The following HHIP variants were observed in gnomAD, a reference collection of about 807,000 sequenced individuals.
HHIP encodes hedgehog interacting protein.
In HHIP, 12 loss-of-function variants were observed where a neutral mutation model predicts 74.0. The ratio of observed to expected loss-of-function variants is 0.16; its 90% CI spans 0.10 to 0.26. The LOEUF (loss-of-function observed/expected upper bound fraction) is 0.26, where lower values mean the gene tolerates loss of function less well. HHIP is among the 10% of genes least tolerant of loss of function. The probability of loss-of-function intolerance (pLI) is 1.00; values close to 1 mark genes in which losing one functional copy is unlikely to be tolerated. For synonymous variants in HHIP, 309 were observed against 311.6 expected (o/e 0.99, Z 0.09); for missense variants, 788 against 845.0 (o/e 0.93, Z 0.84).
At chr4:144,728,905 A>G (rs1352770574) in intron 11 of HHIP, among the ~76,000 whole-genome samples, 5 of 152,186 alleles carry the variant, frequency 3.3e-5, no homozygotes, top group Non-Finnish European at 7.3e-5. Context: ...TGCCTACAAA[A>G]TGGCTATGTG....
chr4:144,719,758 G>A (rs1369472116), intron 11 of HHIP, among the ~76,000 whole-genome samples: 1 of 152,168 alleles, frequency 6.6e-6, no homozygotes, highest in Admixed American at 6.5e-5. Context: ...CTGTTGTTGA[G>A]CACTAGGACT....
chr4:144,660,243 T>C (rs1728675985), intron 4 of HHIP: 2 of 242,248 alleles, frequency 8.3e-6, no homozygotes, highest in Admixed American at 5.5e-5. Flanking sequence ...TGTTTTTGAG[T>C]CTGTCTCATA....
intron 4 of HHIP, among the ~76,000 whole-genome samples, chr4:144,681,686 G>A (rs1578695740): frequency 2.0e-5 from 3 of 152,098 alleles, no homozygotes; most frequent in East Asian, 1.9e-4. Flanking sequence ...GCCTCCCAAC[G>A]TGCTGGGATT....
chr4:144,687,765 T>C (rs1729530456), intron 4 of HHIP, among the ~76,000 whole-genome samples: 1 of 147,078 alleles, frequency 6.8e-6, no homozygotes, highest in African/African-American at 2.5e-5. Flanking sequence ...TTTTTTTTTT[T>C]TTTTTTTTTT....
intron 4 of HHIP, among the ~76,000 whole-genome samples, chr4:144,689,831 C>T (rs1037489809): frequency 1.8e-4 from 27 of 151,580 alleles, no homozygotes; most frequent in Middle Eastern, 6.3e-3. Flanking sequence ...TTTTTTGAGA[C>T]GGAGTCTCGC....
chr4:144,729,724 C>G (rs1326191591), intron 11 of HHIP, among the ~76,000 whole-genome samples: 1 of 152,170 alleles, frequency 6.6e-6, no homozygotes, highest in Non-Finnish European at 1.5e-5. Flanking sequence ...AGGAGTAACA[C>G]AGCTCTTATG....
At chr4:144,648,680 C>T (rs1109181) in intron 1 of HHIP, 21 of 152,178 alleles carry the variant, frequency 1.4e-4, no homozygotes, top group Admixed American at 1.2e-3. Flanking sequence ...TATGAATATA[C>T]TGATGATCTA....
chr4:144,730,721 TG>T (rs1047064323), intron 11 of HHIP, among the ~76,000 whole-genome samples: 20 of 152,164 alleles, frequency 1.3e-4, no homozygotes, highest in Admixed American at 1.1e-3. Flanking sequence ...TATTTCAACA[TG>T]ACAATAATAA....
At chr4:144,701,323 C>CTTT (rs56360210) in intron 4 of HHIP, among the ~76,000 whole-genome samples, 37 of 144,366 alleles carry the variant, frequency 2.6e-4, no homozygotes, top group African/African-American at 8.6e-4. Flanking sequence ...CTGTTTTTTT[C>CTTT]TTTTTTTTTT....
chr4:144,688,295 G>C (rs1729542207), intron 4 of HHIP, among the ~76,000 whole-genome samples: 2 of 152,126 alleles, frequency 1.3e-5, no homozygotes, highest in Non-Finnish European at 1.5e-5. Flanking sequence ...TGCTTGATTT[G>C]GCCTTGAGTA....
chr4:144,663,577 T>TTA (rs1233108659), intron 4 of HHIP, among the ~76,000 whole-genome samples: 2 of 152,218 alleles, frequency 1.3e-5, no homozygotes, highest in Middle Eastern at 6.3e-3. Context: ...TTTACTTAGT[T>TTA]TATATATATT....
At chr4:144,700,204 A>G (rs1352607723) in intron 4 of HHIP, among the ~76,000 whole-genome samples, 1 of 152,184 alleles carries the variant, frequency 6.6e-6, no homozygotes, top group African/African-American at 2.4e-5. Context: ...TATTCTTCCA[A>G]TACTGACAGC....
intron 4 of HHIP, among the ~76,000 whole-genome samples, chr4:144,690,260 A>C (rs1385822075): frequency 6.6e-6 from 1 of 152,198 alleles, no homozygotes; most frequent in South Asian, 2.1e-4. Context: ...CTAAGTGCTG[A>C]GGTGCAATCA....
intron 8 of HHIP, among the ~76,000 whole-genome samples, chr4:144,712,484 G>A (rs1010912832): frequency 6.6e-6 from 1 of 152,070 alleles, no homozygotes; most frequent in African/African-American, 2.4e-5. Context: ...TCAGCAGTTA[G>A]GAAAATTGTA....
chr4:144,703,020 C>T (rs530490166), intron 4 of HHIP, among the ~76,000 whole-genome samples: 32 of 152,202 alleles, frequency 2.1e-4, no homozygotes, highest in South Asian at 6.2e-4. Context: ...AGTTCAAGAC[C>T]AGCCTGGCCA....
chr4:144,714,467 C>A, intron 9 of HHIP, 119 bp downstream of exon 9: 2 of 937,706 alleles, frequency 2.1e-6, no homozygotes, highest in South Asian at 1.7e-5. Context: ...ATGGGGAATA[C>A]ACATAAATAT....
intron 1 of HHIP, chr4:144,648,214 C>A (rs1560690955): frequency 6.6e-6 from 1 of 152,222 alleles, no homozygotes; most frequent in Non-Finnish European, 1.5e-5. Context: ...CTCCTCCCCA[C>A]TAAACTGCTG....
intron 4 of HHIP, among the ~76,000 whole-genome samples, chr4:144,662,724 G>C (rs531942352): frequency 6.6e-6 from 1 of 152,174 alleles, no homozygotes; most frequent in Non-Finnish European, 1.5e-5. Context: ...TGCACATGCA[G>C]CGTTGTTATT....
In HHIP at chr4:144,744,991, T is replaced by C. The variant is rs1240484161; in HGVS notation, c.*7034T>C. 1 of 152,220 alleles carries C rather than the reference T, an allele frequency of 6.6e-6. No individual in the cohort carries two copies. Among genetic ancestry groups the C allele is most frequent in the Non-Finnish European group, 1.5e-5 (1 of 68,040 alleles). The allele number at this position is 152,220 out of a possible 1,614,324, so 9.4% of individuals were successfully genotyped here. ...ACTACATATGTATACACACTATCTA[T>C]GTAAAATATAATATATGTATAATGC... On this transcript the variant is annotated 3_prime_UTR_variant, in exon 13 of 13. Coordinates refer to ENST00000296575, the MANE Select transcript of HHIP (RefSeq NM_022475.3).
Sources: allele counts gnomAD v4.1 joint callset (sites outside exome capture counted in the v4.1 genomes callset), GRCh38; gene constraint gnomAD v4.1.1; transcripts MANE v1.5; gene names NCBI Gene and HGNC (gene_info 2026-07-23, HGNC 2026-07-21).